Variants in B4GALT3 observed in about 807,000 individuals in gnomAD.
B4GALT3 encodes the protein beta-1,4-galactosyltransferase 3.
A neutral mutation model predicts 40.7 loss-of-function variants in B4GALT3; 29 were observed. The observed-to-expected ratio is 0.71, with a 90% CI of 0.53 to 0.97. B4GALT3 has a LOEUF of 0.97. Among genes scored for constraint, B4GALT3 ranks in the 50% least tolerant of loss-of-function variants. The pLI, the probability that B4GALT3 is intolerant of heterozygous loss-of-function variation, is 0.00. For missense variants in B4GALT3, 390 were observed against 522.3 expected (o/e 0.75, Z 2.47); for synonymous variants, 182 against 203.9 (o/e 0.89, Z 0.92).
upstream of B4GALT3, chr1:161,177,553 G>C (rs1003148846): frequency 1.2e-5 from 2 of 168,284 alleles, no homozygotes; most frequent in African/African-American, 4.8e-5. Context: ...GGAGCCACCC[G>C]GGCTGACTAG....
rs991714770 is a variant in B4GALT3, at chr1:161,171,559, T to G, written c.*257A>C. On this transcript the variant is annotated 3_prime_UTR_variant, in exon 8 of 8. Coordinates refer to ENST00000319769, the MANE Select transcript of B4GALT3 (RefSeq NM_003779.4). ...CTGCTCCTACTCTAGGGGCAGGGACTCCTAGGAATCGTCACATAAAATCAT... is the reference window on the plus strand; with the variant it reads ...CTGCTCCTACTCTAGGGGCAGGGACGCCTAGGAATCGTCACATAAAATCAT... 1 of 598,344 alleles carries G rather than the reference T, an allele frequency of 1.7e-6. No homozygotes were observed. The highest frequency in any genetic ancestry group is 1.9e-5 in the African/African-American group (1 of 53,794). 37.1% of individuals were successfully genotyped at this position (598,344 alleles called of 1,614,324 possible). A position where few individuals can be genotyped will look rare whatever the true frequency, so the allele number is the denominator to read the frequency against.
At position 161,171,958 on chromosome 1, in the gene B4GALT3, C is replaced by T. The variant is rs769702808; in HGVS notation, c.1040G>A (p.Arg347Gln). 5.0e-6 allele frequency: 8 copies of T among 1,613,956 alleles called. No homozygotes were observed. Among genetic ancestry groups the T allele is most frequent in the Admixed American group, 3.3e-5 (2 of 59,998 alleles). The part of the protein sequence containing the change: ...NITADIGTDP[R>Q]GPRAPSGPRY... ...TGGCCCAGAAGGAGCCCGAGGACCC[C>T]GAGGGTCAGTCCCAATGTCTGCTGT... is the stretch of plus-strand genomic sequence containing the variant. The change falls in exon 8 of 8, where the codon CGG (arginine) becomes CAG (glutamine). Residue 347 changes from arginine (R) to glutamine (Q), a missense_variant. Physicochemically the swap from Arg to Gln is conservative, Grantham distance 43 (BLOSUM62 1). Transcript: ENST00000319769.
intron 6 of B4GALT3, among the ~76,000 whole-genome samples, chr1:161,173,043 T>C (rs1027727722): frequency 1.3e-5 from 2 of 152,056 alleles, no homozygotes; most frequent in African/African-American, 4.8e-5. Flanking sequence ...TTCACACACA[T>C]ACAGAGGATG....
chr1:161,175,335 G>A (rs3813621), intron 3 of B4GALT3, 107 bp from the exon 4 acceptor site: 18,831 of 973,170 alleles, frequency 0.019, 201 homozygotes, highest in African/African-American at 0.025. Flanking sequence ...CTGGGGCTTA[G>A]TTCTCAGGGC....
At chr1:161,173,333 C>T (rs1662195614) in intron 6 of B4GALT3, among the ~76,000 whole-genome samples, 1 of 152,196 alleles carries the variant, frequency 6.6e-6, no homozygotes, top group Non-Finnish European at 1.5e-5. Flanking sequence ...TGTCTCTGGG[C>T]CCCTTTCCAG....
At position 161,171,877 on chromosome 1, in the gene B4GALT3, G is replaced by T. The variant is rs775814722; in HGVS notation, c.1121C>A (p.Pro374His). 2 of 1,614,196 alleles carry T rather than the reference G, an allele frequency of 1.2e-6. No individual in the cohort carries two copies. The highest frequency in any genetic ancestry group is 1.7e-6 in the Non-Finnish European group (2 of 1,180,026). The change falls in exon 8 of 8, where the codon CCC (proline) becomes CAC (histidine). Residue 374 changes from proline to histidine, a missense_variant. Physicochemically the swap from Pro to His is moderately conservative, Grantham distance 77 (BLOSUM62 -2). This residue lies in a region of B4GALT3 where 72 missense variants were observed against 71.3 expected (regional missense o/e 1.01). Transcript: ENST00000319769. ...AGATAGAGGCCCAGGCCTGGCTGGGGGCCGGCGTTGCAGCATCTCTTGACG... is the reference window on the plus strand; with the variant it reads ...AGATAGAGGCCCAGGCCTGGCTGGGTGCCGGCGTTGCAGCATCTCTTGACG... ...AFRQEMLQRR[P>H]PARPGPLSTA...
At position 161,171,913 on chromosome 1, in the gene B4GALT3, G is replaced by A. The variant is rs764451166; in HGVS notation, c.1085C>T (p.Ser362Phe). The A allele has an allele frequency of 4.3e-6, 7 of 1,614,216 alleles. No homozygotes were observed. The highest frequency in any genetic ancestry group is 5.9e-6 in the Non-Finnish European group (7 of 1,180,040). Residue 362 changes from serine to phenylalanine, a missense_variant, in exon 8 of 8, where the codon TCC becomes TTC. Ser to Phe is a radical substitution (Grantham distance 155). Transcript: ENST00000319769. ...PSGPRYPPGS[S>F]QAFRQEMLQR... ...CAGCATCTCTTGACGGAAGGCTTGG[G>A]AGGAACCAGGTGGGTAACGTGGCCC...
chr1:161,176,065 G>A lies in B4GALT3; in HGVS notation c.-5C>T. The A allele has an allele frequency of 6.2e-7, 1 of 1,613,934 alleles. No individual in the cohort carries two copies. Among genetic ancestry groups the A allele is most frequent in the Non-Finnish European group, 8.5e-7 (1 of 1,179,930 alleles). On this transcript the variant is annotated 5_prime_UTR_variant, in exon 3 of 8. Transcript: ENST00000319769. ...CTCCAGCAGCCTCCGCAACATCCTGGGGGTGAGATCTAGGGAGGGAGAGGG... is the reference window on the plus strand; with the variant it reads ...CTCCAGCAGCCTCCGCAACATCCTGAGGGTGAGATCTAGGGAGGGAGAGGG...
At position 161,177,504 on chromosome 1, in the gene B4GALT3, G is replaced by GGGGGCGGGGTCTCGCGTCAT. The variant is rs1454394990; in HGVS notation, c.-243_-242insATGACGCGAGACCCCGCCCC. On this transcript the variant is annotated 5_prime_UTR_variant, in exon 1 of 8. It adds an upstream start codon to the 5' untranslated region. Coordinates refer to ENST00000319769, the MANE Select transcript of B4GALT3 (RefSeq NM_003779.4). ...CCGCCATCTTGGAAGCGGGCGCTGCGGGGGCGGGGTCTCGCGTCATGGGGC... is the reference window on the plus strand; with the variant it reads ...CCGCCATCTTGGAAGCGGGCGCTGCGGGGGCGGGGTCTCGCGTCATGGGGCGGGGTCTCGCGTCATGGGGC... The GGGGGCGGGGTCTCGCGTCAT allele has an allele frequency of 1.2e-5, 2 of 171,914 alleles. No individual in the cohort carries two copies. The highest frequency in any genetic ancestry group is 1.6e-4 in the East Asian group (1 of 6,148). 10.6% of individuals were successfully genotyped at this position (171,914 alleles called of 1,614,324 possible). A position where few individuals can be genotyped will look rare whatever the true frequency, so the allele number is the denominator to read the frequency against.
intron 4 of B4GALT3, among the ~76,000 whole-genome samples, chr1:161,174,634 T>C (rs1339708798): frequency 1.1e-4 from 16 of 152,204 alleles, no homozygotes. Flanking sequence ...GATGGTATAT[T>C]AGTTATCTTA....
chr1:161,173,468 AG>A, intron 6 of B4GALT3, 136 bp downstream of exon 6: 1 of 1,293,772 alleles, frequency 7.7e-7, no homozygotes, highest in South Asian at 1.4e-5. Context: ...TATCCTAAAA[AG>A]ACTAAGGGAA....
intron 1 of B4GALT3, chr1:161,176,847 A>T: frequency 2.6e-6 from 4 of 1,535,426 alleles, no homozygotes; most frequent in Non-Finnish European, 3.5e-6. Flanking sequence ...GTTTTCCCCC[A>T]GACCAAGAAC....
At chr1:161,177,207 A>T (rs1441000820) in intron 1 of B4GALT3, 1 of 819,458 alleles carries the variant, frequency 1.2e-6, no homozygotes, top group Non-Finnish European at 1.9e-6. Flanking sequence ...GGGGGTTAAA[A>T]CCCAGCTCTT....
chr1:161,176,297 T>TC, intron 2 of B4GALT3, 137 bp downstream of exon 2: 2 of 589,756 alleles, frequency 3.4e-6, no homozygotes, highest in South Asian at 4.2e-5. Flanking sequence ...CTCCTCTACC[T>TC]CCCCCCAAAC....
At chr1:161,174,960 A>G in intron 4 of B4GALT3, 33 bp downstream of exon 4, 1 of 1,601,014 alleles carries the variant, frequency 6.2e-7, no homozygotes. Context: ...CTTAGAAGAA[A>G]GTCAGTCAAA....
intron 2 of B4GALT3, 102 bp from the exon 3 acceptor site, chr1:161,176,176 A>G: frequency 7.6e-7 from 1 of 1,317,896 alleles, no homozygotes; most frequent in Non-Finnish European, 1.0e-6. Flanking sequence ...TAAAGAGGAA[A>G]AAGCAGAAAA....
Position 161,171,637 on chromosome 1 carries a change from C to T in B4GALT3, c.*179G>A. The T allele has an allele frequency of 1.3e-6, 1 of 787,320 alleles. No homozygotes were observed. The highest frequency in any genetic ancestry group is 1.8e-5 in the South Asian group (1 of 54,810). The allele number at this position is 787,320 out of a possible 1,614,324, so 48.8% of individuals were successfully genotyped here. A position where few individuals can be genotyped will look rare whatever the true frequency, so the allele number is the denominator to read the frequency against. On this transcript the variant is annotated 3_prime_UTR_variant, in exon 8 of 8. Transcript: ENST00000319769. ...CTACAGGAGACCCTAGAGAGAGGGA[C>T]CCCTCAGGTCTACAGGAGCCCAGCT...
Position 161,171,928 on chromosome 1 carries a change from T to A in B4GALT3, c.1070A>T (p.Tyr357Phe). 1.2e-6 allele frequency: 2 copies of A among 1,614,040 alleles called. No individual in the cohort carries two copies. The highest frequency in any genetic ancestry group is 1.7e-6 in the Non-Finnish European group (2 of 1,179,986). ...GAAGGCTTGGGAGGAACCAGGTGGGTAACGTGGCCCAGAAGGAGCCCGAGG... is the reference window on the plus strand; with the variant it reads ...GAAGGCTTGGGAGGAACCAGGTGGGAAACGTGGCCCAGAAGGAGCCCGAGG... ...RGPRAPSGPR[Y>F]PPGSSQAFRQ... Residue 357 changes from tyrosine to phenylalanine, a missense_variant, in exon 8 of 8, where the codon TAC (tyrosine) becomes TTC (phenylalanine). Around this residue, in one of 3 missense-constraint regions of B4GALT3, gnomAD observed 72 missense variants for 71.3 expected, o/e 1.01. Coordinates refer to ENST00000319769, the MANE Select transcript of B4GALT3 (RefSeq NM_003779.4).
intron 2 of B4GALT3, 110 bp downstream of exon 2, chr1:161,176,324 T>C (rs2101979166): frequency 1.8e-6 from 1 of 563,336 alleles, no homozygotes; most frequent in South Asian, 2.2e-5. Context: ...CACCATCTAC[T>C]GTCAGTCCTC....
Sources: gnomAD v4.1 joint callset for allele counts (sites outside exome capture counted in the v4.1 genomes callset) on GRCh38, gnomAD v4.1.1 for gene constraint, gnomAD v4.1.1 regional missense constraint, MANE v1.5 for transcripts, NCBI Gene and HGNC (gene_info 2026-07-23, HGNC 2026-07-21) for gene names.